NAV1: variants seen among roughly 807,000 people sequenced by gnomAD.
NAV1 encodes neuron navigator 1, also known as pore membrane and/or filament interacting like protein 3.
NAV1 carries 18 observed loss-of-function variants against 175.2 expected under a neutral mutation model. The observed-to-expected ratio is 0.10, with a 90% confidence interval of 0.07 to 0.15. The LOEUF is 0.15. Among genes scored for constraint, NAV1 ranks in the 10% least tolerant of loss-of-function variants. NAV1 has a pLI of 1.00. For synonymous variants in NAV1, 897 were observed against 978.7 expected (o/e 0.92, Z 1.56); for missense variants, 1,731 against 2,436.6 (o/e 0.71, Z 6.10).
At chr1:201,679,082 A>G (rs1420013428) in intron 1 of NAV1, among the ~76,000 whole-genome samples, 2 of 152,032 alleles carry the variant, frequency 1.3e-5, no homozygotes, top group African/African-American at 4.8e-5. Flanking sequence ...GAGTTACCCA[A>G]ATGAAGCCCC....
intron 1 of NAV1, among the ~76,000 whole-genome samples, chr1:201,570,619 C>T (rs1666506673): frequency 6.6e-6 from 1 of 152,254 alleles, no homozygotes; most frequent in African/African-American, 2.4e-5. Flanking sequence ...CTGTTACAGC[C>T]TGGCCTATAC....
intron 2 of NAV1, among the ~76,000 whole-genome samples, chr1:201,596,031 G>C (rs590877): frequency 0.38 from 57,689 of 152,126 alleles, 12,514 homozygotes; most frequent in African/African-American, 0.59. Context: ...AAATCTTAGC[G>C]ACCCCACGTC....
intron 3 of NAV1, among the ~76,000 whole-genome samples, chr1:201,731,267 C>T (rs1672848928): frequency 1.3e-5 from 2 of 151,930 alleles, no homozygotes; most frequent in African/African-American, 2.4e-5. Flanking sequence ...CCCATCCAAA[C>T]GTGTGTGAGA....
chr1:201,617,019 A>C (rs1668021813), intron 2 of NAV1, among the ~76,000 whole-genome samples: 2 of 152,186 alleles, frequency 1.3e-5, no homozygotes, highest in African/African-American at 4.8e-5. Flanking sequence ...TGAAACAGAG[A>C]GTACTAACTC....
intron 1 of NAV1, among the ~76,000 whole-genome samples, chr1:201,583,215 C>T (rs935279227): frequency 5.3e-5 from 8 of 152,262 alleles, no homozygotes; most frequent in Non-Finnish European, 7.3e-5. Context: ...GCTGGGCTCA[C>T]GCTGCGTCAG....
Position 201,616,491 on chromosome 1 carries a change from C to CT in NAV1, c.-32-6352dup, listed in dbSNP as rs550899315. On this transcript the variant is annotated intron_variant, in intron 2 of 33. Transcript: ENST00000685211. ...GGTACTCTGTTTTGTCTCTCTCTCT[C>CT]TTTTTTTTTTCTTGAGATGAAGTTT... Among the ~76,000 whole-genome samples, 122 of 149,844 alleles carry CT rather than the reference C, an allele frequency of 8.1e-4. 3 individuals are homozygous for CT. The East Asian group carries it at 0.013, about 16-fold the overall frequency.
chr1:201,582,169 A>G (rs1275055111), intron 1 of NAV1, among the ~76,000 whole-genome samples: 2 of 152,250 alleles, frequency 1.3e-5, no homozygotes, highest in African/African-American at 4.8e-5. Flanking sequence ...CATGCAGGAC[A>G]CCACAAATGA....
chr1:201,756,780 A>G (rs1674485573), intron 3 of NAV1, among the ~76,000 whole-genome samples: 1 of 151,672 alleles, frequency 6.6e-6, no homozygotes, highest in Admixed American at 6.6e-5. Context: ...AGGGCAAAGA[A>G]CTAATGAGCA....
intron 1 of NAV1, among the ~76,000 whole-genome samples, chr1:201,543,938 C>T (rs1397232006): frequency 1.3e-5 from 2 of 152,228 alleles, no homozygotes; most frequent in African/African-American, 4.8e-5. Flanking sequence ...GGTTAAAGGG[C>T]TGTATCTTCC....
At chr1:201,671,309 G>C (rs192809564) in intron 1 of NAV1, among the ~76,000 whole-genome samples, 190 of 152,086 alleles carry the variant, frequency 1.2e-3, no homozygotes, top group African/African-American at 4.3e-3. Flanking sequence ...TCCTTTTTAC[G>C]GGCTGAACTG....
rs541676767 is a variant in NAV1, at chr1:201,740,179, G to T, written c.1226+21424G>T. Reference sequence around the variant, plus strand: ...GCAGCCCCCCAGTTCCGCCGCAGCTGCAGTCTCAGGGGCAGTGGGTGTGGG... The same window carrying T: ...GCAGCCCCCCAGTTCCGCCGCAGCTTCAGTCTCAGGGGCAGTGGGTGTGGG... On this transcript the variant is annotated intron_variant, in intron 3 of 29. Coordinates refer to ENST00000367296, the Ensembl canonical transcript of NAV1. This position sits in a 1 kb window ranked among gnomAD's most constrained non-coding sequence, Gnocchi z 4.7. The T allele has an allele frequency of 4.6e-5, 44 of 954,892 alleles. No individual in the cohort carries two copies. The Admixed American group carries it at 1.1e-3, about 24-fold the overall frequency. 59.2% of individuals were successfully genotyped at this position (954,892 alleles called of 1,614,324 possible).
intron 15 of NAV1, among the ~76,000 whole-genome samples, chr1:201,799,860 CAA>C (rs548818131): frequency 4.3e-4 from 33 of 77,100 alleles, no homozygotes; most frequent in Admixed American, 5.8e-4. Context: ...AACTTCATCT[CAA>C]AAAAAAAAAA....
intron 15 of NAV1, 123 bp from the exon 20 acceptor site, chr1:201,803,470 G>A: frequency 1.0e-6 from 1 of 974,190 alleles, no homozygotes; most frequent in South Asian, 1.8e-5. Context: ...CCAAAAAAAT[G>A]AATAATGTGA....
upstream of NAV1, among the ~76,000 whole-genome samples, chr1:201,621,832 T>C (rs1668180922): frequency 6.6e-6 from 1 of 152,266 alleles, no homozygotes; most frequent in African/African-American, 2.4e-5. Context: ...ACATTTTTTA[T>C]GGCTTCATTT....
exon 1 of NAV1, chr1:201,648,782 C>T (rs1325657601): frequency 6.8e-7 from 1 of 1,472,350 alleles, no homozygotes; most frequent in Non-Finnish European, 8.9e-7. Context: ...CAGCGGCGGA[C>T]GGCAGAGGCA....
intron 1 of NAV1, among the ~76,000 whole-genome samples, chr1:201,579,981 C>A (rs1666801293): frequency 1.3e-5 from 2 of 152,122 alleles, no homozygotes; most frequent in Non-Finnish European, 2.9e-5. Flanking sequence ...TAGTTCTCAG[C>A]CCAAGGCCAA....
intron 1 of NAV1, among the ~76,000 whole-genome samples, chr1:201,567,880 C>T (rs1215776958): frequency 1.3e-5 from 2 of 152,146 alleles, no homozygotes; most frequent in South Asian, 2.1e-4. Context: ...AATGTCCTTT[C>T]TCTATGTGGC....
intron 2 of NAV1, among the ~76,000 whole-genome samples, chr1:201,604,259 T>C (rs1667606145): frequency 6.6e-6 from 1 of 152,188 alleles, no homozygotes; most frequent in African/African-American, 2.4e-5. Context: ...TCTTGTTATG[T>C]TGCCCAGGCT....
At chr1:201,649,644 G>A (rs565114635) in intron 1 of NAV1, among the ~76,000 whole-genome samples, 2 of 152,350 alleles carry the variant, frequency 1.3e-5, no homozygotes, top group South Asian at 4.1e-4. Context: ...TTACAGGCGG[G>A]AACCCGGGCT....
Sources: gnomAD v4.1 joint callset for allele counts (sites outside exome capture counted in the v4.1 genomes callset) on GRCh38, gnomAD v4.1.1 for gene constraint, Gnocchi (gnomAD v3.1) non-coding constraint, MANE v1.5 for transcripts, NCBI Gene and HGNC (gene_info 2026-07-23, HGNC 2026-07-21) for gene names.